DCAF6: variants seen among roughly 807,000 people sequenced by gnomAD.
The protein encoded by DCAF6 is DDB1 and CUL4 associated factor 6.
A neutral mutation model predicts 125.1 loss-of-function variants in DCAF6; 54 were observed. The ratio of observed to expected loss-of-function variants is 0.43; its 90% confidence interval spans 0.35 to 0.54. The LOEUF is 0.54. DCAF6 is among the 20% of genes least tolerant of loss of function. The pLI is 0.01. For missense variants in DCAF6, 934 were observed against 1,161.7 expected, an observed-to-expected ratio of 0.80 and a Z score of 2.85; for synonymous variants, 371 against 390.4, an observed-to-expected ratio of 0.95 and a Z score of 0.58.
intron 4 of DCAF6, among the ~76,000 whole-genome samples, chr1:167,985,568 T>C (rs566780918): frequency 1.1e-4 from 16 of 152,188 alleles, no homozygotes; most frequent in Non-Finnish European, 1.2e-4. Flanking sequence ...GTGGATAATT[T>C]AGGATAATCT....
intron 3 of DCAF6, among the ~76,000 whole-genome samples, chr1:167,972,815 T>C (rs1247826116): frequency 6.6e-6 from 1 of 152,192 alleles, no homozygotes; most frequent in African/African-American, 2.4e-5. Flanking sequence ...ATCTGAAATC[T>C]AGAGATTTGT....
chr1:167,966,826 A>G, intron 3 of DCAF6, 105 bp downstream of exon 3: 1 of 698,416 alleles, frequency 1.4e-6, no homozygotes, highest in Non-Finnish European at 2.5e-6. Context: ...ATATTAGAAT[A>G]TCCTCCCTAT....
chr1:168,065,756 C>T lies in DCAF6; in HGVS notation c.2596+10C>T. 2 of 1,607,320 alleles carry T rather than the reference C, an allele frequency of 1.2e-6. No homozygotes were observed. Among genetic ancestry groups the T allele is most frequent in the Non-Finnish European group, 1.7e-6 (2 of 1,176,536 alleles). On this transcript the variant is annotated intron_variant, in intron 19 of 21. Coordinates refer to ENST00000367840, the MANE Select transcript of DCAF6 (RefSeq NM_001198956.2). ...CATCCGTTTGACCCAAGTAAGATAT[C>T]TTTTCTAGGACGAGGGCTAGAAATT... is the stretch of plus-strand genomic sequence containing the variant.
At chr1:167,944,746 C>A (rs1672804785) in intron 1 of DCAF6, among the ~76,000 whole-genome samples, 1 of 152,170 alleles carries the variant, frequency 6.6e-6, no homozygotes, top group Non-Finnish European at 1.5e-5. Context: ...TTCTGTCATT[C>A]AACAGGATTG....
At chr1:168,023,776 A>G (rs1685963595) in intron 12 of DCAF6, 2 of 152,254 alleles carry the variant, frequency 1.3e-5, no homozygotes, top group Admixed American at 1.3e-4. Context: ...AAAAACTAAA[A>G]AGGCTATTTA....
At chr1:168,043,832 A>G (rs1688835155) in intron 14 of DCAF6, among the ~76,000 whole-genome samples, 1 of 152,194 alleles carries the variant, frequency 6.6e-6, no homozygotes, top group Non-Finnish European at 1.5e-5. Flanking sequence ...TAAATTCCAG[A>G]ATTAAGTATT....
At chr1:168,037,940 C>T (rs1168767417) in intron 12 of DCAF6, among the ~76,000 whole-genome samples, 1 of 152,136 alleles carries the variant, frequency 6.6e-6, no homozygotes, top group African/African-American at 2.4e-5. Context: ...TTTGCCAAAC[C>T]GCTTTTCACA....
chr1:167,991,396 A>G lies in DCAF6; in HGVS notation c.688+57A>G, dbSNP rs1372752990. ...CTGTCAGTTCAAAGAGTAAATCTCT[A>G]TGACATTTTCAGTTTTAAAATTTCT... On this transcript the variant is annotated intron_variant, in intron 6 of 21. Transcript: ENST00000367840. 5 of 1,459,924 alleles carry G rather than the reference A, an allele frequency of 3.4e-6. No individual in the cohort carries two copies. The East Asian group carries it at 7.4e-5, about 22-fold the overall frequency. 90.4% of individuals were successfully genotyped at this position (1,459,924 alleles called of 1,614,324 possible). A position where few individuals can be genotyped will look rare whatever the true frequency, so the allele number is the denominator to read the frequency against.
chr1:167,916,018 C>T, the DCAF6 span, among the ~76,000 whole-genome samples: 2,442 of 151,998 alleles, frequency 0.016, 55 homozygotes, highest in African/African-American at 0.052. Flanking sequence ...TGTCAAAAAG[C>T]TGTGATAAAG....
chr1:168,066,760 A>T (rs765496247), intron 20 of DCAF6, among the ~76,000 whole-genome samples: 8 of 152,204 alleles, frequency 5.3e-5, no homozygotes, highest in Non-Finnish European at 1.2e-4. Flanking sequence ...AAAGAATCAC[A>T]CACAAAAAAA....
chr1:167,955,023 T>A (rs1276023542), intron 2 of DCAF6, among the ~76,000 whole-genome samples: 1 of 152,238 alleles, frequency 6.6e-6, no homozygotes, highest in African/African-American at 2.4e-5. Flanking sequence ...ATTGACTATG[T>A]ATCCTTTTTT....
chr1:168,063,336 T>C (rs1187219972), intron 17 of DCAF6, among the ~76,000 whole-genome samples: 2 of 152,206 alleles, frequency 1.3e-5, no homozygotes, highest in Non-Finnish European at 2.9e-5. Flanking sequence ...ATTATGTTTT[T>C]ATAAAATAGC....
chr1:168,030,373 A>G (rs1686915749), intron 12 of DCAF6, among the ~76,000 whole-genome samples: 1 of 152,164 alleles, frequency 6.6e-6, no homozygotes, highest in African/African-American at 2.4e-5. Flanking sequence ...GACTAGGAGA[A>G]CCTCAGTATG....
chr1:167,995,990 TG>T (rs1400193746), intron 7 of DCAF6, among the ~76,000 whole-genome samples: 1 of 152,180 alleles, frequency 6.6e-6, no homozygotes, highest in African/African-American at 2.4e-5. Context: ...TATAGAATTA[TG>T]TATAAGGACT....
chr1:167,992,095 T>C (rs1680913619), intron 6 of DCAF6, among the ~76,000 whole-genome samples: 2 of 152,182 alleles, frequency 1.3e-5, no homozygotes. Context: ...TATTCCTGCT[T>C]ACCTTAAAGT....
chr1:167,923,141 A>C, the DCAF6 span, among the ~76,000 whole-genome samples: 2 of 152,196 alleles, frequency 1.3e-5, no homozygotes, highest in Non-Finnish European at 2.9e-5. Flanking sequence ...TTGCTGAGGA[A>C]AACAAAAAAT....
At chr1:167,918,201 T>A in the DCAF6 span, 1 of 686,576 alleles carries the variant, frequency 1.5e-6, no homozygotes, top group Non-Finnish European at 2.4e-6. Context: ...AATCAAGAAC[T>A]AGCTACCAGT....
In DCAF6 at chr1:168,063,747, C is replaced by T; in HGVS notation, c.2427C>T (p.Asn809=). 6.2e-7 allele frequency: 1 copy of T among 1,605,144 alleles called. No homozygotes were observed. Among genetic ancestry groups the T allele is most frequent in the Non-Finnish European group, 8.5e-7 (1 of 1,177,002 alleles). ...AAATGGTTTATAAAGGCCATCGCAA[C>T]TCCAGGACAATGGTACCAAATGTTC... ...LVKMVYKGHR[N]SRTMIKEANF... The change falls in exon 18 of 22, where the codon AAC becomes AAT. Residue 809 remains asparagine, a synonymous_variant. Coordinates refer to ENST00000367840, the MANE Select transcript of DCAF6 (RefSeq NM_001198956.2).
At chr1:167,930,050 A>G in the DCAF6 span, among the ~76,000 whole-genome samples, 4 of 152,196 alleles carry the variant, frequency 2.6e-5, no homozygotes, top group Non-Finnish European at 4.4e-5. Context: ...CGGCCAAAAA[A>G]TCATTCATTT....
Sources: gnomAD v4.1 joint callset for allele counts (sites outside exome capture counted in the v4.1 genomes callset) on GRCh38, gnomAD v4.1.1 for gene constraint, MANE v1.5 for transcripts, NCBI Gene and HGNC (gene_info 2026-07-23, HGNC 2026-07-21) for gene names.